The following CEP135 variants were observed in gnomAD, a reference collection of about 807,000 sequenced individuals.
CEP135 encodes centrosomal protein of 135 kDa.
Under a neutral mutation model 157.3 loss-of-function variants are expected in CEP135, and 142 were observed. The ratio of observed to expected loss-of-function variants is 0.90; its 90% CI spans 0.79 to 1.04. The LOEUF (loss-of-function observed/expected upper bound fraction) is 1.04. Ranked by LOEUF, CEP135 falls within the 50% of genes least tolerant of loss-of-function variation. The pLI is 0.00. For missense variants in CEP135, 1,317 were observed against 1,309.2 expected (o/e 1.01, Z -0.09); for synonymous variants, 396 against 439.8 (o/e 0.90, Z 1.25).
Position 55,991,989 on chromosome 4 carries a change from T to C in CEP135, c.1913T>C (p.Ile638Thr). ...KSKVLIMKET[I>T]ESLENKLKVQ... ...AAAGTGTTAATAATGAAAGAAACAATAGAGTCGTTAGAGAACAAATTAAAA... is the reference window on the plus strand; with the variant it reads ...AAAGTGTTAATAATGAAAGAAACAACAGAGTCGTTAGAGAACAAATTAAAA... Residue 638 changes from isoleucine to threonine, a missense_variant, in exon 15 of 26, where the codon ATA becomes ACA. Physicochemically the swap from Ile to Thr is moderately conservative, Grantham distance 89. Coordinates refer to ENST00000257287, the MANE Select transcript of CEP135 (RefSeq NM_025009.5). The C allele has an allele frequency of 6.3e-7, 1 of 1,581,218 alleles. No homozygotes were observed. The highest frequency in any genetic ancestry group is 8.7e-7 in the Non-Finnish European group (1 of 1,155,706).
intron 14 of CEP135, among the ~76,000 whole-genome samples, chr4:55,991,384 G>T (rs1729789554): frequency 1.5e-5 from 2 of 134,272 alleles, no homozygotes; most frequent in Admixed American, 8.1e-5. Context: ...TAAAAAGCTT[G>T]TGTTAGAATT....
At position 55,992,090 on chromosome 4, in the gene CEP135, G is replaced by T; in HGVS notation, c.2009+5G>T. ...AACAGAGGTGAACTCACTTAGGTAA[G>T]TTTATTCAAAATTTTCTAATTTCAT... On this transcript the variant is annotated splice_donor_5th_base_variant and intron_variant, in intron 15 of 25. Coordinates refer to ENST00000257287, the MANE Select transcript of CEP135 (RefSeq NM_025009.5). 6.3e-7 allele frequency: 1 copy of T among 1,586,380 alleles called. No individual in the cohort carries two copies. The highest frequency in any genetic ancestry group is 8.5e-7 in the Non-Finnish European group (1 of 1,172,732).
chr4:56,010,836 G>T (rs1730556642), intron 19 of CEP135, among the ~76,000 whole-genome samples: 1 of 152,164 alleles, frequency 6.6e-6, no homozygotes, highest in African/African-American at 2.4e-5. Flanking sequence ...GATGAAATAT[G>T]AATGTTTTTT....
chr4:56,025,010 A>G (rs1402182515), intron 25 of CEP135, among the ~76,000 whole-genome samples: 2 of 151,960 alleles, frequency 1.3e-5, no homozygotes, highest in Admixed American at 6.6e-5. Flanking sequence ...ATGGTGGCAC[A>G]CACCTGTAGT....
chr4:55,957,207 C>T lies in CEP135; in HGVS notation c.473-16C>T, dbSNP rs1199056357. On this transcript the variant is annotated splice_polypyrimidine_tract_variant and intron_variant, in intron 4 of 25. Coordinates refer to ENST00000257287, the MANE Select transcript of CEP135 (RefSeq NM_025009.5). ...TTTGTTTCTTCTTAGTTTTTTAAGACACTCATTCTTTTTAGGTGGCAAGAA... is the reference window on the plus strand; with the variant it reads ...TTTGTTTCTTCTTAGTTTTTTAAGATACTCATTCTTTTTAGGTGGCAAGAA... 1.9e-6 allele frequency: 3 copies of T among 1,609,402 alleles called. No homozygotes were observed. Among genetic ancestry groups the T allele is most frequent in the Non-Finnish European group, 2.5e-6 (3 of 1,178,712 alleles).
chr4:56,011,094 G>T (rs1577907020), intron 19 of CEP135, among the ~76,000 whole-genome samples: 1 of 152,020 alleles, frequency 6.6e-6, no homozygotes, highest in Non-Finnish European at 1.5e-5. Context: ...AAATTAGCTG[G>T]TATGGTGACA....
Position 55,999,368 on chromosome 4 carries a change from T to C in CEP135, c.2076T>C (p.Gly692=). The change falls in exon 16 of 26, where the codon GGT becomes GGC. Residue 692 remains glycine, a synonymous_variant. Transcript: ENST00000257287. ...AGCACCGACTTTCCATAAAAAGAGG[T>C]GAACTTGAATCAGCCCAAGCACAAA... The part of the protein sequence containing the change: ...DYQHRLSIKR[G]ELESAQAQIK... 1 of 1,614,098 alleles carries C rather than the reference T, an allele frequency of 6.2e-7. No homozygotes were observed. The highest frequency in any genetic ancestry group is 8.5e-7 in the Non-Finnish European group (1 of 1,180,012).
intron 14 of CEP135, 42 bp from the exon 15 acceptor site, chr4:55,991,892 G>T: frequency 1.0e-6 from 1 of 972,336 alleles, no homozygotes; most frequent in South Asian, 1.9e-5. Flanking sequence ...TATCATTAAC[G>T]TATTAAGATA....
intron 14 of CEP135, 94 bp downstream of exon 14, chr4:55,985,452 T>C: frequency 2.4e-6 from 1 of 424,724 alleles, no homozygotes; most frequent in East Asian, 4.6e-5. Flanking sequence ...TTTAATTTTA[T>C]TTTTATTTTT....
At chr4:55,998,946 G>T (rs1217134411) in intron 15 of CEP135, among the ~76,000 whole-genome samples, 1 of 152,150 alleles carries the variant, frequency 6.6e-6, no homozygotes, top group African/African-American at 2.4e-5. Context: ...CATACTGTAA[G>T]AACAGGATTT....
chr4:55,969,220 C>A, intron 9 of CEP135, 92 bp downstream of exon 9: 1 of 945,140 alleles, frequency 1.1e-6, no homozygotes, highest in Non-Finnish European at 1.6e-6. Context: ...GTCAGGAGTT[C>A]GAGACCATCC....
At chr4:55,994,808 C>T (rs1177079921) in intron 15 of CEP135, among the ~76,000 whole-genome samples, 1 of 151,754 alleles carries the variant, frequency 6.6e-6, no homozygotes, top group African/African-American at 2.4e-5. Flanking sequence ...GCCTCAGCCT[C>T]CCGAGTAGCT....
At chr4:55,961,798 C>T (rs967444972) in intron 6 of CEP135, among the ~76,000 whole-genome samples, 2 of 119,110 alleles carry the variant, frequency 1.7e-5, no homozygotes, top group African/African-American at 2.9e-5. Flanking sequence ...AAAAAAAATC[C>T]ATCTTCTGAG....
chr4:56,007,893 A>G (rs181044797), intron 17 of CEP135, among the ~76,000 whole-genome samples: 57 of 152,180 alleles, frequency 3.7e-4, no homozygotes, highest in Non-Finnish European at 6.8e-4. Context: ...TTGTATATTT[A>G]TTTTTGGTTT....
intron 2 of CEP135, among the ~76,000 whole-genome samples, 153 bp from the exon 3 acceptor site, chr4:55,952,931 AC>A (rs1159550960): frequency 6.6e-6 from 1 of 152,254 alleles, no homozygotes; most frequent in Non-Finnish European, 1.5e-5. Flanking sequence ...TATAAATCTT[AC>A]AGGACTACTC....
At chr4:55,983,929 T>A (rs1000248230) in intron 13 of CEP135, among the ~76,000 whole-genome samples, 1 of 152,184 alleles carries the variant, frequency 6.6e-6, no homozygotes, top group African/African-American at 2.4e-5. Context: ...GGAATCTGGC[T>A]TCTGAGCTCA....
Position 56,018,374 on chromosome 4 carries a change from G to T in CEP135, c.3012+517G>T, listed in dbSNP as rs540151085. 4.6e-5 allele frequency among the ~76,000 whole-genome samples: 7 copies of T among 152,256 alleles called. No individual in the cohort carries two copies. In the South Asian group the frequency reaches 1.2e-3, roughly 27 times the overall value. ...CAGGCAAACGTAGTGATGAAAGTGG[G>T]TAATGTTTTGGAATAGATGGCTATC... On this transcript the variant is annotated intron_variant, in intron 22 of 25. Transcript: ENST00000257287.
chr4:56,007,933 C>G (rs1420130462), intron 17 of CEP135, among the ~76,000 whole-genome samples: 1 of 152,144 alleles, frequency 6.6e-6, no homozygotes, highest in Admixed American at 6.5e-5. Context: ...CAGCTTGTGA[C>G]TACACCACCA....
intron 12 of CEP135, 79 bp from the exon 13 acceptor site, chr4:55,981,148 T>C: frequency 1.4e-6 from 2 of 1,382,034 alleles, no homozygotes; most frequent in Non-Finnish European, 1.9e-6. Flanking sequence ...CTTTTTTAAC[T>C]GGAAACATAT....
Sources: gnomAD v4.1 joint callset for allele counts (sites outside exome capture counted in the v4.1 genomes callset) on GRCh38, gnomAD v4.1.1 for gene constraint, MANE v1.5 for transcripts, NCBI Gene and HGNC (gene_info 2026-07-23, HGNC 2026-07-21) for gene names.